The following SPTA1 variants were observed in gnomAD, a reference collection of about 807,000 sequenced individuals.
The protein encoded by SPTA1 is spectrin alpha, erythrocytic 1.
Under a neutral mutation model 324.7 loss-of-function variants are expected in SPTA1, and 177 were observed. That is an observed-to-expected ratio of 0.55 (90% CI 0.48 to 0.62). SPTA1 has a LOEUF of 0.62. Among genes scored for constraint, SPTA1 ranks in the 20% least tolerant of loss-of-function variants. SPTA1 has a pLI of 0.00. For synonymous variants in SPTA1, 1,195 were observed against 1,041.3 expected, an observed-to-expected ratio of 1.15 and a Z score of -2.84; for missense variants, 3,162 against 2,883.6, an observed-to-expected ratio of 1.10 and a Z score of -2.21.
At chr1:158,669,077 C>T (rs142400942) in intron 14 of SPTA1, among the ~76,000 whole-genome samples, 1 of 152,198 alleles carries the variant, frequency 6.6e-6, no homozygotes, top group African/African-American at 2.4e-5. Flanking sequence ...TATACGGATG[C>T]AGAGGGGAGC....
intron 39 of SPTA1, among the ~76,000 whole-genome samples, chr1:158,628,757 G>A (rs951310460): frequency 4.0e-5 from 6 of 151,856 alleles, no homozygotes; most frequent in African/African-American, 1.5e-4. Context: ...AGAAACATTA[G>A]AACTGTTGTC....
At chr1:158,632,729 T>C (rs180865987) in intron 39 of SPTA1, among the ~76,000 whole-genome samples, 1 of 149,604 alleles carries the variant, frequency 6.7e-6, no homozygotes, top group East Asian at 1.9e-4. Flanking sequence ...TGCAAAATGA[T>C]ATAGCCATAC....
chr1:158,656,096 A>G (rs1358292838), intron 20 of SPTA1, among the ~76,000 whole-genome samples: 1 of 152,184 alleles, frequency 6.6e-6, no homozygotes, highest in Non-Finnish European at 1.5e-5. Context: ...TCCTGTTCAT[A>G]CATCTATTAT....
chr1:158,646,025 G>A (rs1378176337), intron 27 of SPTA1, among the ~76,000 whole-genome samples: 1 of 152,154 alleles, frequency 6.6e-6, no homozygotes, highest in Non-Finnish European at 1.5e-5. Flanking sequence ...TCTAGGGTTT[G>A]AAGATACATC....
intron 21 of SPTA1, 53 bp downstream of exon 21, chr1:158,654,558 A>C: frequency 5.6e-6 from 9 of 1,612,414 alleles, no homozygotes; most frequent in Non-Finnish European, 6.8e-6. Context: ...GGATTGGGAG[A>C]GATGGTTCTG....
Position 158,615,348 on chromosome 1 carries a change from A to G in SPTA1, c.6656T>C (p.Leu2219Pro), listed in dbSNP as rs374751703. The G allele has an allele frequency of 3.7e-6, 6 of 1,613,982 alleles. No homozygotes were observed. Among genetic ancestry groups the G allele is most frequent in the African/African-American group, 1.3e-5 (1 of 74,924 alleles). Residue 2219 changes from leucine (L) to proline (P), a missense_variant, in exon 48 of 52, where the codon CTG becomes CCG. By Grantham distance (98) the Leu-to-Pro change is moderately conservative (BLOSUM62 -3). Coordinates refer to ENST00000643759, the MANE Select transcript of SPTA1 (RefSeq NM_003126.4). ...MKRQLTKIVD[L>P]GDNLEDALIL... ...CAGAGCGTCTTCCAAGTTGTCCCCCAGGTCCACAATCTTGGTTAGTTGACG... is the reference window on the plus strand; with the variant it reads ...CAGAGCGTCTTCCAAGTTGTCCCCCGGGTCCACAATCTTGGTTAGTTGACG...
rs549795229 is a variant in SPTA1 at position 158,647,659 on chromosome 1, T to C, written c.3776A>G (p.Asp1259Gly). Residue 1259 changes from aspartate to glycine, a missense_variant, in exon 27 of 52, where the codon GAC (aspartate) becomes GGC (glycine). By Grantham distance (94) the Asp-to-Gly change is moderately conservative. Coordinates refer to ENST00000643759, the MANE Select transcript of SPTA1 (RefSeq NM_003126.4). ...LSESHPDATE[D>G]LQRQKMELNE... The stretch of plus-strand genomic sequence containing the variant: ...CAGCTCCATTTTCTGTCTCTGCAGG[T>C]CCTCAGTGGCATCTGGATGGGACTC... 4 of 1,613,952 alleles carry C rather than the reference T, an allele frequency of 2.5e-6. No homozygotes were observed. Among genetic ancestry groups the C allele is most frequent in the East Asian group, 2.2e-5 (1 of 44,868 alleles).
intron 47 of SPTA1, among the ~76,000 whole-genome samples, chr1:158,617,218 G>T (rs1453083130): frequency 6.6e-6 from 1 of 152,058 alleles, no homozygotes; most frequent in Non-Finnish European, 1.5e-5. Flanking sequence ...ATCCTTTGTA[G>T]CCACAAAACG....
intron 42 of SPTA1, 118 bp downstream of exon 42, chr1:158,626,028 G>T: frequency 2.5e-6 from 2 of 803,752 alleles, no homozygotes; most frequent in Admixed American, 2.2e-5. Flanking sequence ...TATTAAGAAG[G>T]GAAAATCTTA....
At chr1:158,626,495 T>A (rs1251037990) in intron 41 of SPTA1, among the ~76,000 whole-genome samples, 1 of 152,174 alleles carries the variant, frequency 6.6e-6, no homozygotes. Flanking sequence ...TGTAAGTAAA[T>A]CTAACAAACA....
intron 22 of SPTA1, among the ~76,000 whole-genome samples, chr1:158,653,023 T>C (rs1159532217): frequency 6.6e-6 from 1 of 152,156 alleles, no homozygotes; most frequent in East Asian, 1.9e-4. Flanking sequence ...CTTGAAAGAA[T>C]GTGGGGCAGG....
chr1:158,634,817 T>C (rs571173303), intron 38 of SPTA1, 142 bp from the exon 39 acceptor site: 4 of 899,482 alleles, frequency 4.4e-6, no homozygotes, highest in South Asian at 2.8e-5. Context: ...CAACACAGTA[T>C]AATAGGTGCC....
At chr1:158,651,490 A>G in intron 23 of SPTA1, 22 bp from the exon 24 acceptor site, 1 of 1,511,386 alleles carries the variant, frequency 6.6e-7, no homozygotes, top group Non-Finnish European at 9.2e-7. Flanking sequence ...AATTCATCCA[A>G]AGCAGTGTAA....
At chr1:158,617,368 A>G (rs1649619584) in intron 47 of SPTA1, among the ~76,000 whole-genome samples, 169 bp downstream of exon 47, 1 of 151,312 alleles carries the variant, frequency 6.6e-6, no homozygotes, top group African/African-American at 2.4e-5. Flanking sequence ...ATTGAAATTC[A>G]GAGATTTAAG....
chr1:158,649,886 C>A lies in SPTA1; in HGVS notation c.3539G>T (p.Gly1180Val). The part of the protein sequence containing the change: ...RLADEQRQLL[G>V]SAHAVEVFHR... The stretch of plus-strand genomic sequence containing the variant: ...AAACACTTCAACAGCATGGGCACTG[C>A]CCAGCAGCTGCCGCTGTTCATCTGC... Residue 1180 changes from glycine (G) to valine (V), a missense_variant, in exon 25 of 52, where the codon GGC becomes GTC. Coordinates refer to ENST00000643759, the MANE Select transcript of SPTA1 (RefSeq NM_003126.4). 1.2e-6 allele frequency: 2 copies of A among 1,613,820 alleles called. No individual in the cohort carries two copies. Among genetic ancestry groups the A allele is most frequent in the Non-Finnish European group, 1.7e-6 (2 of 1,179,864 alleles).
chr1:158,681,383 G>C (rs1476790569), intron 4 of SPTA1, 144 bp downstream of exon 4: 1 of 1,235,890 alleles, frequency 8.1e-7, no homozygotes, highest in Non-Finnish European at 1.2e-6. Context: ...CCTACATTTT[G>C]GCCCCAATTT....
intron 46 of SPTA1, 139 bp from the exon 47 acceptor site, chr1:158,617,727 A>G: frequency 1.2e-6 from 1 of 855,482 alleles, no homozygotes; most frequent in Non-Finnish European, 1.9e-6. Flanking sequence ...ACAGAGCCAA[A>G]TTTTCACAAC....
rs745757321 is a variant in SPTA1, at chr1:158,668,056, G to C, written c.1840C>G (p.Gln614Glu). ...TTTTGAACCCTGCTCTTCAAGTTCTGTATGTCCTGAGATAAGATGAAAAAA... is the reference window on the plus strand; with the variant it reads ...TTTTGAACCCTGCTCTTCAAGTTCTCTATGTCCTGAGATAAGATGAAAAAA... The part of the protein sequence containing the change: ...LADDEDYKDI[Q>E]NLKSRVQKQQ... Residue 614 changes from glutamine (Q) to glutamate (E), a missense_variant, in exon 15 of 52, where the codon CAG becomes GAG. Coordinates refer to ENST00000643759, the MANE Select transcript of SPTA1 (RefSeq NM_003126.4). 5.1e-6 allele frequency: 8 copies of C among 1,579,324 alleles called. No individual in the cohort carries two copies. The highest frequency in any genetic ancestry group is 1.7e-5 in the Admixed American group (1 of 57,732).
chr1:158,638,386 T>A, intron 35 of SPTA1, 145 bp from the exon 36 acceptor site: 1 of 836,406 alleles, frequency 1.2e-6, no homozygotes, highest in Non-Finnish European at 2.0e-6. Context: ...TTATACATGT[T>A]AGCATATGTT....
Sources: allele counts gnomAD v4.1 joint callset (sites outside exome capture counted in the v4.1 genomes callset), GRCh38; gene constraint gnomAD v4.1.1; transcripts MANE v1.5; gene names NCBI Gene and HGNC (gene_info 2026-07-23, HGNC 2026-07-21).